Variants in NREP observed in about 807,000 individuals in gnomAD.
NREP encodes neuronal regeneration-related protein.
A neutral mutation model predicts 8.6 loss-of-function variants in NREP; 5 were observed. That is an observed-to-expected ratio of 0.58 (90% CI 0.30 to 1.22). The LOEUF (loss-of-function observed/expected upper bound fraction) is 1.22, where lower values mean the gene tolerates loss of function less well. NREP is among the 50% of genes most tolerant of loss of function. The pLI is 0.07. For missense variants in NREP, 86 were observed against 82.5 expected (o/e 1.04, Z -0.17); for synonymous variants, 27 against 28.0 (o/e 0.96, Z 0.11).
intron 2 of NREP, among the ~76,000 whole-genome samples, chr5:111,770,752 T>G (rs1751200630): frequency 6.6e-6 from 1 of 151,914 alleles, no homozygotes; most frequent in South Asian, 2.1e-4. Context: ...GTATTTTTTG[T>G]AGAGACAGGG....
At chr5:111,842,696 A>C (rs975761578) in intron 2 of NREP, among the ~76,000 whole-genome samples, 2 of 152,158 alleles carry the variant, frequency 1.3e-5, no homozygotes, top group African/African-American at 4.8e-5. Flanking sequence ...TCAAGTTGTT[A>C]ATAGTGCCCT....
chr5:111,904,858 C>A (rs912029482), intron 2 of NREP, among the ~76,000 whole-genome samples: 1 of 152,032 alleles, frequency 6.6e-6, no homozygotes, highest in Non-Finnish European at 1.5e-5. Flanking sequence ...CTGAACAGAC[C>A]CTTCACGAGA....
At chr5:111,946,251 A>C (rs1755980388) in intron 2 of NREP, among the ~76,000 whole-genome samples, 1 of 151,864 alleles carries the variant, frequency 6.6e-6, no homozygotes, top group South Asian at 2.1e-4. Context: ...AAAAATGGGC[A>C]TAGAATTTAT....
chr5:111,925,471 T>G (rs561817146), intron 2 of NREP, among the ~76,000 whole-genome samples: 2 of 152,264 alleles, frequency 1.3e-5, no homozygotes, highest in East Asian at 3.9e-4. Context: ...TCCTCTCTTT[T>G]TCCTGGGCCT....
intron 2 of NREP, among the ~76,000 whole-genome samples, chr5:111,783,714 T>C (rs1751547075): frequency 6.6e-6 from 1 of 152,182 alleles, no homozygotes; most frequent in South Asian, 2.1e-4. Context: ...AATCATGTGG[T>C]TTTTCTCCTT....
intron 2 of NREP, among the ~76,000 whole-genome samples, chr5:111,901,967 A>G (rs1286636345): frequency 6.6e-6 from 1 of 152,168 alleles, no homozygotes; most frequent in Non-Finnish European, 1.5e-5. Flanking sequence ...TTCCTATGGA[A>G]CCACAAAAGA....
At chr5:111,732,529 T>A (rs1470849199) in intron 3 of NREP, 1 of 151,988 alleles carries the variant, frequency 6.6e-6, no homozygotes, top group Non-Finnish European at 1.5e-5. Context: ...GAAAATTAAA[T>A]AAAAATATAA....
At chr5:111,798,980 A>G (rs987931230) in intron 2 of NREP, among the ~76,000 whole-genome samples, 2 of 152,150 alleles carry the variant, frequency 1.3e-5, no homozygotes, top group Admixed American at 6.5e-5. Flanking sequence ...ATCTACTTTT[A>G]GTTCTTTAAG....
upstream of NREP, chr5:111,757,310 A>T: frequency 1.3e-6 from 1 of 777,064 alleles, no homozygotes. Context: ...AAGGGAAACA[A>T]AACCCAAACC....
At chr5:111,902,239 G>C (rs1754664800) in intron 2 of NREP, among the ~76,000 whole-genome samples, 2 of 151,936 alleles carry the variant, frequency 1.3e-5, no homozygotes, top group African/African-American at 4.8e-5. Flanking sequence ...GAAAACTAGA[G>C]TCCATAAACA....
chr5:111,846,377 C>CTTGGTTA (rs1581161994), intron 2 of NREP: 1 of 118,928 alleles, frequency 8.4e-6, no homozygotes. Flanking sequence ...TATTTGGTCT[C>CTTGGTTA]TTGGTTAGTC....
intron 2 of NREP, among the ~76,000 whole-genome samples, chr5:111,901,932 T>C (rs968859244): frequency 6.6e-6 from 1 of 152,004 alleles, no homozygotes; most frequent in Non-Finnish European, 1.5e-5. Context: ...ACATTCCTTA[T>C]AGAAACAGTA....
intron 2 of NREP, among the ~76,000 whole-genome samples, chr5:111,868,847 T>TA (rs60257734): frequency 6.0e-5 from 9 of 151,120 alleles, no homozygotes; most frequent in Non-Finnish European, 1.0e-4. Context: ...TTTTTTTTTT[T>TA]ACCACAATTG....
intron 2 of NREP, among the ~76,000 whole-genome samples, chr5:111,878,207 T>C (rs1366753027): frequency 6.6e-6 from 1 of 152,158 alleles, no homozygotes; most frequent in African/African-American, 2.4e-5. Context: ...AATTAAATAT[T>C]CATATAATAG....
chr5:111,927,162 C>G (rs1755411613), intron 2 of NREP, among the ~76,000 whole-genome samples: 1 of 152,026 alleles, frequency 6.6e-6, no homozygotes, highest in African/African-American at 2.4e-5. Flanking sequence ...ACCTGACATT[C>G]CTGGTGTGTG....
At chr5:111,922,478 C>A (rs181288536) in intron 2 of NREP, among the ~76,000 whole-genome samples, 1 of 152,278 alleles carries the variant, frequency 6.6e-6, no homozygotes, top group Non-Finnish European at 1.5e-5. Context: ...CCAGGAGGTA[C>A]TGAGTGCCCC....
At chr5:111,804,704 A>G (rs1198220931) in intron 2 of NREP, among the ~76,000 whole-genome samples, 2 of 151,958 alleles carry the variant, frequency 1.3e-5, no homozygotes, top group Non-Finnish European at 2.9e-5. Context: ...TAAGAGAAAA[A>G]AAAAACAAAC....
chr5:111,946,557 T>C (rs1316526057), intron 2 of NREP, among the ~76,000 whole-genome samples: 1 of 151,958 alleles, frequency 6.6e-6, no homozygotes, highest in African/African-American at 2.4e-5. Flanking sequence ...ATGGGATTGG[T>C]CATTTCCTCC....
At chr5:111,912,182 G>T (rs959045974) in intron 2 of NREP, among the ~76,000 whole-genome samples, 1 of 151,946 alleles carries the variant, frequency 6.6e-6, no homozygotes, top group Non-Finnish European at 1.5e-5. Flanking sequence ...CATTCGTATG[G>T]TAACATTCTC....
Sources: allele counts gnomAD v4.1 joint callset (sites outside exome capture counted in the v4.1 genomes callset), GRCh38; gene constraint gnomAD v4.1.1; transcripts MANE v1.5; gene names NCBI Gene and HGNC (gene_info 2026-07-23, HGNC 2026-07-21).